ADAMTS6: variants seen among roughly 807,000 people sequenced by gnomAD.
The protein encoded by ADAMTS6 is ADAM metallopeptidase with thrombospondin type 1 motif 6, also known as A disintegrin and metalloproteinase with thrombospondin motifs 6.
In ADAMTS6, 23 loss-of-function variants were observed where a neutral mutation model predicts 144.3. The ratio of observed to expected loss-of-function variants is 0.16; its 90% CI spans 0.11 to 0.23. ADAMTS6 has a LOEUF of 0.23. Ranked by LOEUF, ADAMTS6 falls within the 10% of genes least tolerant of loss-of-function variation. The pLI is 1.00. For synonymous variants in ADAMTS6, 444 were observed against 457.5 expected (o/e 0.97, Z 0.38); for missense variants, 999 against 1,379.6 (o/e 0.72, Z 4.37).
intron 7 of ADAMTS6, among the ~76,000 whole-genome samples, chr5:65,375,721 G>C (rs1469542230): frequency 1.3e-5 from 2 of 152,104 alleles, no homozygotes; most frequent in Non-Finnish European, 2.9e-5. Flanking sequence ...CAGGGATCTA[G>C]AACTAGAAAT....
intron 20 of ADAMTS6, among the ~76,000 whole-genome samples, chr5:65,209,456 A>C (rs1331230522): frequency 1.3e-5 from 2 of 152,200 alleles, no homozygotes; most frequent in Non-Finnish European, 2.9e-5. Flanking sequence ...ACAACACCCC[A>C]TAGCATCTCA....
chr5:65,286,369 G>A (rs773872491), intron 11 of ADAMTS6, among the ~76,000 whole-genome samples: 1 of 152,044 alleles, frequency 6.6e-6, no homozygotes, highest in Non-Finnish European at 1.5e-5. Flanking sequence ...CCATGTATTA[G>A]CTCATGTGTT....
In ADAMTS6 at chr5:65,172,816, A is replaced by G. The variant is rs1300713760; in HGVS notation, c.3087+16T>C. 1 of 1,609,542 alleles carries G rather than the reference A, an allele frequency of 6.2e-7. No homozygotes were observed. The highest frequency in any genetic ancestry group is 8.5e-7 in the Non-Finnish European group (1 of 1,178,232). ...AGGTGCTATTTCAGCAGGAGCCCAC[A>G]GTACAAACGCCTTACCTGGCCCCAG... On this transcript the variant is annotated intron_variant, in intron 23 of 24. Transcript: ENST00000381055.
chr5:65,274,011 T>G (rs1349122561), intron 11 of ADAMTS6, among the ~76,000 whole-genome samples: 2 of 152,198 alleles, frequency 1.3e-5, no homozygotes, highest in Admixed American at 6.5e-5. Context: ...AACGTTATTT[T>G]CAGTACATCA....
intron 7 of ADAMTS6, among the ~76,000 whole-genome samples, chr5:65,348,780 C>A (rs1748580532): frequency 6.6e-6 from 1 of 150,504 alleles, no homozygotes; most frequent in African/African-American, 2.4e-5. Context: ...CAATTATTGC[C>A]CATTAAAAAA....
At chr5:65,327,791 T>A (rs1372998062) in intron 9 of ADAMTS6, among the ~76,000 whole-genome samples, 1 of 152,182 alleles carries the variant, frequency 6.6e-6, no homozygotes, top group Admixed American at 6.5e-5. Context: ...CATACAAGAA[T>A]GGAATGTGAA....
At chr5:65,360,682 A>T (rs1314733278) in intron 7 of ADAMTS6, among the ~76,000 whole-genome samples, 2 of 152,208 alleles carry the variant, frequency 1.3e-5, no homozygotes, top group African/African-American at 4.8e-5. Context: ...TGTAATCCAA[A>T]ATTCAAGACC....
At chr5:65,325,155 T>C (rs2112900195) in intron 9 of ADAMTS6, among the ~76,000 whole-genome samples, 1 of 151,922 alleles carries the variant, frequency 6.6e-6, no homozygotes, top group South Asian at 2.1e-4. Flanking sequence ...GGGAGGAGGG[T>C]AGAAATTAAC....
intron 7 of ADAMTS6, among the ~76,000 whole-genome samples, chr5:65,348,382 A>G: frequency 6.6e-6 from 1 of 152,146 alleles, no homozygotes; most frequent in Non-Finnish European, 1.5e-5. Context: ...GTAGGACATT[A>G]TGGTAAGTGA....
At chr5:65,302,130 G>T (rs1439941377) in intron 9 of ADAMTS6, among the ~76,000 whole-genome samples, 6 of 134,082 alleles carry the variant, frequency 4.5e-5, no homozygotes, top group African/African-American at 1.4e-4. Context: ...ATATATATAT[G>T]CACATATAAT....
chr5:65,251,406 T>C (rs991352831), intron 14 of ADAMTS6: 3 of 152,424 alleles, frequency 2.0e-5, no homozygotes, highest in Non-Finnish European at 4.4e-5. Context: ...TAGCTCATGA[T>C]GCCAAAAACT....
chr5:65,478,214 A>G (rs1760970135), intron 1 of ADAMTS6, among the ~76,000 whole-genome samples: 1 of 152,170 alleles, frequency 6.6e-6, no homozygotes, highest in Non-Finnish European at 1.5e-5. Context: ...CTACACAATA[A>G]AAGTGAATGA....
intron 20 of ADAMTS6, among the ~76,000 whole-genome samples, chr5:65,209,673 C>G (rs1270272892): frequency 6.6e-6 from 1 of 152,166 alleles, no homozygotes; most frequent in Non-Finnish European, 1.5e-5. Flanking sequence ...GCCCAAAGGT[C>G]TGGATATTAA....
chr5:65,441,564 C>A (rs1757854796), intron 7 of ADAMTS6, among the ~76,000 whole-genome samples: 1 of 151,792 alleles, frequency 6.6e-6, no homozygotes, highest in Non-Finnish European at 1.5e-5. Flanking sequence ...CCATGACCAC[C>A]CAAATTAATC....
At chr5:65,245,591 A>C (rs1759557712) in intron 14 of ADAMTS6, among the ~76,000 whole-genome samples, 1 of 152,158 alleles carries the variant, frequency 6.6e-6, no homozygotes, top group South Asian at 2.1e-4. Flanking sequence ...TTATAGCTAA[A>C]TTTTAATTGA....
intron 10 of ADAMTS6, among the ~76,000 whole-genome samples, chr5:65,292,211 G>A (rs1742381927): frequency 6.6e-6 from 1 of 152,064 alleles, no homozygotes; most frequent in East Asian, 1.9e-4. Flanking sequence ...AGTTTAAAGA[G>A]CTTTAAACTT....
intron 7 of ADAMTS6, among the ~76,000 whole-genome samples, chr5:65,399,646 A>T (rs1753751539): frequency 6.6e-6 from 1 of 152,172 alleles, no homozygotes; most frequent in Admixed American, 6.5e-5. Flanking sequence ...TAATGAAATA[A>T]TCCTAATTCC....
At chr5:65,429,750 AAAAG>A (rs1221990401) in intron 7 of ADAMTS6, among the ~76,000 whole-genome samples, 1 of 152,142 alleles carries the variant, frequency 6.6e-6, no homozygotes, top group East Asian at 1.9e-4. Context: ...CAGAAGTTTT[AAAAG>A]AAAGTTAATA....
intron 7 of ADAMTS6, among the ~76,000 whole-genome samples, chr5:65,404,468 T>C (rs574210780): frequency 3.3e-5 from 5 of 152,196 alleles, no homozygotes; most frequent in African/African-American, 4.8e-5. Flanking sequence ...CTACAAAGGA[T>C]ATGAACTCAT....
Sources: allele counts gnomAD v4.1 joint callset (sites outside exome capture counted in the v4.1 genomes callset), GRCh38; gene constraint gnomAD v4.1.1; transcripts MANE v1.5; gene names NCBI Gene and HGNC (gene_info 2026-07-23, HGNC 2026-07-21).